Variants in TCN2 observed in about 807,000 individuals in gnomAD.
TCN2 encodes transcobalamin 2, also known as transcobalamin-2.
A neutral mutation model predicts 48.6 loss-of-function variants in TCN2; 34 were observed. The observed-to-expected ratio is 0.70, with a 90% CI of 0.53 to 0.93. The LOEUF (loss-of-function observed/expected upper bound fraction) is 0.93. Ranked by LOEUF, TCN2 falls within the 40% of genes least tolerant of loss-of-function variation. TCN2 has a pLI of 0.00. For synonymous variants in TCN2, 283 were observed against 212.5 expected (o/e 1.33, Z -2.89); for missense variants, 652 against 526.1 (o/e 1.24, Z -2.34).
chr22:30,610,880 A>C lies in TCN2; in HGVS notation c.74A>C (p.Glu25Ala). Residue 25 changes from glutamate (E) to alanine (A), a missense_variant, in exon 2 of 9, where the codon GAG becomes GCG. Transcript: ENST00000215838. The stretch of plus-strand genomic sequence containing the variant: ...CATTTTCTTTTCTAAGAAATACCAG[A>C]GATGGACAGCCATCTGGTAGAGAAG... ...GALTEMCEIP[E>A]MDSHLVEKLG... is the part of the protein sequence containing the mutation. 1 of 1,614,146 alleles carries C rather than the reference A, an allele frequency of 6.2e-7. No homozygotes were observed. Among genetic ancestry groups the C allele is most frequent in the South Asian group, 1.1e-5 (1 of 91,078 alleles).
At chr22:30,611,103 A>G (rs1315998407) in intron 2 of TCN2, 40 bp downstream of exon 2, 15 of 1,613,234 alleles carry the variant, frequency 9.3e-6, no homozygotes, top group Non-Finnish European at 1.3e-5. Context: ...TGCTCCACAT[A>G]CTAAGAGATG....
intron 6 of TCN2, among the ~76,000 whole-genome samples, chr22:30,616,913 A>T (rs1013423094): frequency 6.6e-6 from 1 of 152,176 alleles, no homozygotes; most frequent in Non-Finnish European, 1.5e-5. Context: ...AAAGAGTGGG[A>T]TCTGGGAGAA....
intron 7 of TCN2, among the ~76,000 whole-genome samples, chr22:30,620,284 T>A (rs2087679890): frequency 6.6e-6 from 1 of 152,210 alleles, no homozygotes; most frequent in African/African-American, 2.4e-5. Flanking sequence ...AAAGCCCGTC[T>A]CTACCACACA....
At chr22:30,609,507 G>A (rs989718054) in intron 1 of TCN2, among the ~76,000 whole-genome samples, 5 of 152,010 alleles carry the variant, frequency 3.3e-5, no homozygotes, top group African/African-American at 7.3e-5. Context: ...CTGACTCATC[G>A]TGCTGGAAGT....
chr22:30,616,919 G>C (rs2087619892), intron 6 of TCN2, among the ~76,000 whole-genome samples: 1 of 152,182 alleles, frequency 6.6e-6, no homozygotes, highest in Non-Finnish European at 1.5e-5. Flanking sequence ...TGGGATCTGG[G>C]AGAATGAGTG....
intron 3 of TCN2, among the ~76,000 whole-genome samples, chr22:30,613,359 A>G (rs1006813007): frequency 6.6e-6 from 1 of 152,036 alleles, no homozygotes; most frequent in African/African-American, 2.4e-5. Context: ...AGCTCACCGC[A>G]ATCTCTGCCT....
At chr22:30,625,805 C>T (rs1003313584) in intron 8 of TCN2, among the ~76,000 whole-genome samples, 12 of 152,166 alleles carry the variant, frequency 7.9e-5, no homozygotes, top group African/African-American at 2.7e-4. Flanking sequence ...GCTCTACTCT[C>T]ATGACCTAAT....
At chr22:30,610,045 A>G (rs1569037873) in intron 1 of TCN2, among the ~76,000 whole-genome samples, 1 of 152,128 alleles carries the variant, frequency 6.6e-6, no homozygotes. Context: ...TCCGAGGCAA[A>G]CTACTCTAAG....
At position 30,614,333 on chromosome 22, in the gene TCN2, T is replaced by C; in HGVS notation, c.428-16T>C. The C allele has an allele frequency of 6.2e-7, 1 of 1,613,636 alleles. No homozygotes were observed. The highest frequency in any genetic ancestry group is 1.1e-5 in the South Asian group (1 of 91,036). ...TGGGGGCAGAGAGGCAACCCCTCTGTTTTTTTCCCTCTCAGGGCATGATCA... is the reference window on the plus strand; with the variant it reads ...TGGGGGCAGAGAGGCAACCCCTCTGCTTTTTTCCCTCTCAGGGCATGATCA... On this transcript the variant is annotated splice_polypyrimidine_tract_variant and intron_variant, in intron 3 of 8. Coordinates refer to ENST00000215838, the MANE Select transcript of TCN2 (RefSeq NM_000355.4).
chr22:30,626,776 C>A lies in TCN2; in HGVS notation c.*255C>A, dbSNP rs1012812216. ...GGCCAGCCTGGCCCTGCAGGTCTCCCATGAAGGCCACCCCATGGTCTGATG... is the reference window on the plus strand; with the variant it reads ...GGCCAGCCTGGCCCTGCAGGTCTCCAATGAAGGCCACCCCATGGTCTGATG... On this transcript the variant is annotated 3_prime_UTR_variant, in exon 9 of 9. Transcript: ENST00000215838. 1 of 584,854 alleles carries A rather than the reference C, an allele frequency of 1.7e-6. No homozygotes were observed. Among genetic ancestry groups the A allele is most frequent in the Non-Finnish European group, 3.1e-6 (1 of 326,444 alleles). The allele number at this position is 584,854 out of a possible 1,614,324, so 36.2% of individuals were successfully genotyped here.
At chr22:30,609,726 G>A (rs966920087) in intron 1 of TCN2, among the ~76,000 whole-genome samples, 1 of 152,116 alleles carries the variant, frequency 6.6e-6, no homozygotes, top group East Asian at 1.9e-4. Context: ...AGGGAAAAAA[G>A]CAACCCCCCA....
chr22:30,617,885 G>A (rs1234130596), intron 7 of TCN2, among the ~76,000 whole-genome samples: 17 of 152,216 alleles, frequency 1.1e-4, no homozygotes, highest in Admixed American at 1.1e-3. Flanking sequence ...CCAGCACATA[G>A]CAAGCGCTCA....
At chr22:30,623,296 C>CAA (rs11305698) in intron 8 of TCN2, 4,182 of 368,220 alleles carry the variant, frequency 0.011, no homozygotes, top group South Asian at 0.015. Flanking sequence ...AGACAGATTA[C>CAA]AAAAAAAAAA....
At chr22:30,624,554 T>C (rs574426043) in intron 8 of TCN2, among the ~76,000 whole-genome samples, 1 of 152,124 alleles carries the variant, frequency 6.6e-6, no homozygotes, top group Non-Finnish European at 1.5e-5. Context: ...CTTGCCCTCA[T>C]TCTGAATAAA....
At position 30,617,377 on chromosome 22, in the gene TCN2, A is replaced by G. The variant is rs1169605273; in HGVS notation, c.988A>G (p.Ile330Val). Residue 330 changes from isoleucine to valine, a missense_variant, in exon 7 of 9, where the codon ATC becomes GTC. Transcript: ENST00000215838. ...GACCATTCCTCAGACCCAAGAGATCATCAGTGTCACGCTGCAGGTGCTTAG... is the reference window on the plus strand; with the variant it reads ...GACCATTCCTCAGACCCAAGAGATCGTCAGTGTCACGCTGCAGGTGCTTAG... ...AETIPQTQEI[I>V]SVTLQVLSLL... is the part of the protein sequence containing the mutation. 1 of 1,614,170 alleles carries G rather than the reference A, an allele frequency of 6.2e-7. No individual in the cohort carries two copies. The highest frequency in any genetic ancestry group is 8.5e-7 in the Non-Finnish European group (1 of 1,180,018).
In TCN2 at chr22:30,626,633, T is replaced by C; in HGVS notation, c.*112T>C. The C allele has an allele frequency of 8.4e-7, 1 of 1,196,984 alleles. No homozygotes were observed. Among genetic ancestry groups the C allele is most frequent in the Non-Finnish European group, 1.2e-6 (1 of 819,276 alleles). The allele number at this position is 1,196,984 out of a possible 1,614,324, so 74.1% of individuals were successfully genotyped here. On this transcript the variant is annotated 3_prime_UTR_variant, in exon 9 of 9. Transcript: ENST00000215838. ...GACCCTGCTGCCACCTCCTGTGCACTTTGAGCAATGCCCCCTGGGATCACC... is the reference window on the plus strand; with the variant it reads ...GACCCTGCTGCCACCTCCTGTGCACCTTGAGCAATGCCCCCTGGGATCACC...
intron 8 of TCN2, among the ~76,000 whole-genome samples, 192 bp from the exon 9 acceptor site, chr22:30,626,268 G>A (rs2087808207): frequency 6.6e-6 from 1 of 152,076 alleles, no homozygotes; most frequent in Non-Finnish European, 1.5e-5. Context: ...ATGAGGTCAT[G>A]GCCTCAGGAA....
intron 1 of TCN2, among the ~76,000 whole-genome samples, chr22:30,610,533 A>G (rs1029933205): frequency 6.6e-6 from 1 of 152,258 alleles, no homozygotes; most frequent in African/African-American, 2.4e-5. Flanking sequence ...CAGGACTGGC[A>G]TGAGGACCAA....
chr22:30,611,595 A>G (rs538966248), intron 2 of TCN2, among the ~76,000 whole-genome samples: 20 of 152,246 alleles, frequency 1.3e-4, no homozygotes, highest in African/African-American at 3.1e-4. Flanking sequence ...CCAACCTCCA[A>G]TTCCCGGGTT....
Sources: allele counts gnomAD v4.1 joint callset (sites outside exome capture counted in the v4.1 genomes callset), GRCh38; gene constraint gnomAD v4.1.1; transcripts MANE v1.5; gene names NCBI Gene and HGNC (gene_info 2026-07-23, HGNC 2026-07-21).